Variants in RAB3B observed in about 807,000 individuals in gnomAD.
RAB3B encodes the protein RAB3B, member RAS oncogene family.
RAB3B carries 11 observed loss-of-function variants against 20.5 expected under a neutral mutation model. The observed-to-expected ratio is 0.54, with a 90% CI of 0.34 to 0.89. The LOEUF (loss-of-function observed/expected upper bound fraction) is 0.89, where lower values mean the gene tolerates loss of function less well. Ranked by LOEUF, RAB3B falls within the 40% of genes least tolerant of loss-of-function variation. The pLI, the probability that RAB3B is intolerant of heterozygous loss-of-function variation, is 0.02. For synonymous variants in RAB3B, 99 were observed against 106.3 expected (o/e 0.93, Z 0.42); for missense variants, 225 against 280.9 (o/e 0.80, Z 1.42).
chr1:51,971,481 G>T (rs1188361394), intron 2 of RAB3B, among the ~76,000 whole-genome samples: 1 of 148,856 alleles, frequency 6.7e-6, no homozygotes, highest in Non-Finnish European at 1.5e-5. Flanking sequence ...CGCCTAGGCT[G>T]GAGTGCAATG....
In RAB3B at chr1:51,931,972, T is replaced by C. The variant is rs531208875; in HGVS notation, c.472+1346A>G. Among the ~76,000 whole-genome samples the C allele has an allele frequency of 4.6e-5, 7 of 152,236 alleles. No individual in the cohort carries two copies. In the South Asian group the frequency reaches 1.5e-3, roughly 32 times the overall value. ...ACCAGGTGTGGGCTTCATCACTTGC[T>C]TATTGGTCAATGGACCACATGGAGG... On this transcript the variant is annotated intron_variant, in intron 4 of 4. Transcript: ENST00000371655.
intron 1 of RAB3B, among the ~76,000 whole-genome samples, chr1:51,981,135 A>G (rs1339344762): frequency 1.3e-5 from 2 of 152,078 alleles, no homozygotes; most frequent in African/African-American, 4.8e-5. Context: ...GGCTCAAGCA[A>G]TCCTCTTACC....
chr1:51,931,054 T>A (rs1288372418), intron 4 of RAB3B, among the ~76,000 whole-genome samples: 1 of 152,008 alleles, frequency 6.6e-6, no homozygotes, highest in Non-Finnish European at 1.5e-5. Context: ...CTTGGCATGC[T>A]GGTATATTTT....
chr1:51,933,270 A>C, intron 4 of RAB3B, 48 bp downstream of exon 4: 3 of 1,568,012 alleles, frequency 1.9e-6, no homozygotes. Flanking sequence ...CACTCTCATG[A>C]GCATGTGTAC....
intron 2 of RAB3B, among the ~76,000 whole-genome samples, chr1:51,945,904 G>T (rs567869673): frequency 1.3e-5 from 2 of 152,232 alleles, no homozygotes; most frequent in South Asian, 4.1e-4. Context: ...TGGACTAGTT[G>T]GTTATTTTAT....
chr1:51,975,271 T>C (rs1336105392), intron 2 of RAB3B, among the ~76,000 whole-genome samples: 1 of 152,194 alleles, frequency 6.6e-6, no homozygotes, highest in African/African-American at 2.4e-5. Flanking sequence ...AATCACAAAT[T>C]TTCAAAATTT....
intron 2 of RAB3B, among the ~76,000 whole-genome samples, chr1:51,961,932 C>T (rs969594800): frequency 3.9e-5 from 6 of 152,110 alleles, no homozygotes; most frequent in South Asian, 2.1e-4. Flanking sequence ...CACCAAGCCC[C>T]GCTAAATTTT....
rs956055193 is a variant in RAB3B, at chr1:51,929,330, C to CTTTTTTTTTTTTTT, written c.472+3987_472+3988insAAAAAAAAAAAAAA. 2.8e-4 allele frequency among the ~76,000 whole-genome samples: 43 copies of CTTTTTTTTTTTTTT among 151,222 alleles called. No homozygotes were observed. In the South Asian group the frequency reaches 6.0e-3, roughly 21 times the overall value. On this transcript the variant is annotated intron_variant, in intron 4 of 4. Coordinates refer to ENST00000371655, the MANE Select transcript of RAB3B (RefSeq NM_002867.4). ...TTACAGGAGCTAATACATTCTCTCC[C>CTTTTTTTTTTTTTT]TTTTTTTTTCTTTTTGAGATGGAGT...
chr1:51,977,247 A>G, intron 1 of RAB3B, 130 bp from the exon 2 acceptor site: 1 of 678,180 alleles, frequency 1.5e-6, no homozygotes, highest in East Asian at 2.7e-5. Context: ...AATGCACACT[A>G]CTCAGAATCA....
At chr1:51,964,959 C>T (rs540474719) in intron 2 of RAB3B, among the ~76,000 whole-genome samples, 12 of 152,314 alleles carry the variant, frequency 7.9e-5, no homozygotes, top group South Asian at 2.1e-4. Context: ...CCTGGCCAGG[C>T]GCAGTAGCTC....
intron 1 of RAB3B, among the ~76,000 whole-genome samples, chr1:51,982,038 T>C (rs1011150198): frequency 1.3e-5 from 2 of 152,122 alleles, no homozygotes; most frequent in Admixed American, 1.3e-4. Flanking sequence ...AGGCAGGTCC[T>C]TCAGGAGGTA....
intron 2 of RAB3B, among the ~76,000 whole-genome samples, chr1:51,945,015 G>A (rs1684546475): frequency 6.6e-6 from 1 of 152,086 alleles, no homozygotes; most frequent in Non-Finnish European, 1.5e-5. Context: ...CTTCACTGTT[G>A]CCCTATTTTC....
At chr1:51,940,750 A>C (rs1684481757) in intron 2 of RAB3B, among the ~76,000 whole-genome samples, 1 of 152,196 alleles carries the variant, frequency 6.6e-6, no homozygotes. Context: ...AGGAACAAGC[A>C]ATCCCAAATG....
At position 51,936,336 on chromosome 1, in the gene RAB3B, T is replaced by C. The variant is rs147346098; in HGVS notation, c.347+958A>G. Among the ~76,000 whole-genome samples, 18 of 152,326 alleles carry C rather than the reference T, an allele frequency of 1.2e-4. No individual in the cohort carries two copies. The East Asian group carries it at 2.9e-3, about 24-fold the overall frequency. ...CTCAGAGGTTGCAACTCTGGGGTGCTGTACTGATTTCCATTGCATATTGAG... is the reference window on the plus strand; with the variant it reads ...CTCAGAGGTTGCAACTCTGGGGTGCCGTACTGATTTCCATTGCATATTGAG... On this transcript the variant is annotated intron_variant, in intron 3 of 4. Transcript: ENST00000371655.
intron 2 of RAB3B, among the ~76,000 whole-genome samples, chr1:51,939,986 A>G (rs1409246223): frequency 6.6e-6 from 1 of 152,256 alleles, no homozygotes; most frequent in Non-Finnish European, 1.5e-5. Context: ...GTTATAATAA[A>G]AATAAATAAG....
intron 1 of RAB3B, among the ~76,000 whole-genome samples, chr1:51,984,007 G>A (rs1232645781): frequency 2.7e-4 from 41 of 151,802 alleles, no homozygotes; most frequent in Admixed American, 2.7e-3. Context: ...GCTCATGCCT[G>A]TAATCCCAGC....
chr1:51,977,936 C>T (rs557269322), intron 1 of RAB3B, among the ~76,000 whole-genome samples: 1 of 152,326 alleles, frequency 6.6e-6, no homozygotes, highest in South Asian at 2.1e-4. Context: ...TTCCCATACC[C>T]CTTCTCTTCA....
intron 1 of RAB3B, among the ~76,000 whole-genome samples, chr1:51,985,278 A>T (rs1685137458): frequency 6.6e-6 from 1 of 152,118 alleles, no homozygotes; most frequent in Non-Finnish European, 1.5e-5. Flanking sequence ...CCTGTTTTAC[A>T]ATTAACTGTT....
intron 3 of RAB3B, among the ~76,000 whole-genome samples, chr1:51,935,364 A>C (rs1684384888): frequency 6.6e-6 from 1 of 152,198 alleles, no homozygotes; most frequent in African/African-American, 2.4e-5. Flanking sequence ...CATTCTGGGC[A>C]CTGGGGCTTG....
Sources: allele counts gnomAD v4.1 joint callset (sites outside exome capture counted in the v4.1 genomes callset), GRCh38; gene constraint gnomAD v4.1.1; transcripts MANE v1.5; gene names NCBI Gene and HGNC (gene_info 2026-07-23, HGNC 2026-07-21).